GOLIM4: variants seen among roughly 807,000 people sequenced by gnomAD.
The protein encoded by GOLIM4 is golgi integral membrane protein 4, also known as 130 kDa golgi-localized phosphoprotein.
GOLIM4 carries 71 observed loss-of-function variants against 107.4 expected under a neutral mutation model. That is an observed-to-expected ratio of 0.66 (90% CI 0.55 to 0.81). The LOEUF (loss-of-function observed/expected upper bound fraction) is 0.81, where lower values mean the gene tolerates loss of function less well. GOLIM4 is among the 30% of genes least tolerant of loss of function. GOLIM4 has a pLI of 0.00. For synonymous variants in GOLIM4, 327 were observed against 294.8 expected (o/e 1.11, Z -1.12); for missense variants, 830 against 826.1 (o/e 1.00, Z -0.06).
chr3:168,074,746 G>A (rs137874237), intron 1 of GOLIM4, among the ~76,000 whole-genome samples: 85 of 152,154 alleles, frequency 5.6e-4, no homozygotes, highest in African/African-American at 1.5e-3. Context: ...ATCTAGTAAC[G>A]CAGACAAGGA....
intron 5 of GOLIM4, 70 bp downstream of exon 5, chr3:168,043,309 T>C (rs973087870): frequency 6.5e-6 from 7 of 1,072,904 alleles, no homozygotes; most frequent in Non-Finnish European, 9.6e-6. Context: ...AACAACAGTC[T>C]ACAGTTGCAC....
chr3:168,067,873 C>A (rs1249060423), intron 1 of GOLIM4, among the ~76,000 whole-genome samples: 1 of 151,260 alleles, frequency 6.6e-6, no homozygotes, highest in Admixed American at 6.6e-5. Context: ...CCTGTATTAT[C>A]GATATGCAAA....
At chr3:168,044,678 A>G (rs1156622765) in intron 4 of GOLIM4, 150 bp downstream of exon 4, 1 of 589,590 alleles carries the variant, frequency 1.7e-6, no homozygotes, top group Non-Finnish European at 3.0e-6. Context: ...AACTATATAT[A>G]ATTTTTAGCC....
intron 7 of GOLIM4, among the ~76,000 whole-genome samples, chr3:168,038,052 C>T (rs1298326222): frequency 1.3e-5 from 2 of 152,202 alleles, no homozygotes; most frequent in African/African-American, 4.8e-5. Context: ...GCTCTTCCAC[C>T]CCAAGAGTGA....
intron 1 of GOLIM4, among the ~76,000 whole-genome samples, chr3:168,052,591 A>C (rs1233095848): frequency 6.6e-6 from 1 of 152,214 alleles, no homozygotes; most frequent in Non-Finnish European, 1.5e-5. Context: ...GACCATATAG[A>C]ATTTCTGTGC....
chr3:168,026,056 G>A (rs1325757420), intron 12 of GOLIM4, among the ~76,000 whole-genome samples: 3 of 152,150 alleles, frequency 2.0e-5, no homozygotes, highest in East Asian at 3.9e-4. Context: ...GTCTCTATCA[G>A]TATTCTCCAG....
chr3:168,032,496 T>C (rs1260903730), intron 9 of GOLIM4, 24 bp downstream of exon 9: 3 of 1,571,162 alleles, frequency 1.9e-6, no homozygotes, highest in Admixed American at 3.3e-5. Context: ...CAGTACACCA[T>C]ACCAGAAGCG....
rs997525623 is a variant in GOLIM4, at chr3:168,036,828, C to A, written c.843+8G>T. 6.2e-7 allele frequency: 1 copy of A among 1,607,058 alleles called. No homozygotes were observed. The highest frequency in any genetic ancestry group is 8.5e-7 in the Non-Finnish European group (1 of 1,175,540). On this transcript the variant is annotated splice_region_variant and intron_variant, in intron 8 of 15. Transcript: ENST00000470487. ...CCTAACCATAGATTACCAGTTCACG[C>A]CCCTTACCTCCTGCACCTCTCGGGT...
intron 2 of GOLIM4, 38 bp downstream of exon 2, chr3:168,048,253 C>A (rs1177704894): frequency 3.7e-6 from 4 of 1,077,088 alleles, no homozygotes; most frequent in African/African-American, 3.1e-5. Context: ...AAGAAGAGTA[C>A]TGGAAAAACA....
In GOLIM4 at chr3:168,095,307, C is replaced by G. The variant is rs754843716; in HGVS notation, c.-22G>C. ...CCATAGTCCCGCCTGGACCCAAAGC[C>G]GCGGCCGCCCCCGCCGTCTCCTCCC... is the stretch of plus-strand genomic sequence containing the variant. On this transcript the variant is annotated 5_prime_UTR_variant, in exon 1 of 16. Transcript: ENST00000470487. 97 of 1,603,414 alleles carry G rather than the reference C, an allele frequency of 6.0e-5. No individual in the cohort carries two copies. The African/African-American group carries it at 1.1e-3, about 18-fold the overall frequency.
At chr3:168,058,185 A>G (rs1223676295) in intron 1 of GOLIM4, among the ~76,000 whole-genome samples, 28 of 152,328 alleles carry the variant, frequency 1.8e-4, no homozygotes, top group Non-Finnish European at 5.9e-5. Context: ...AATAGTTCAC[A>G]CAAGTGTCCA....
Position 168,033,499 on chromosome 3 carries a change from C to T in GOLIM4, c.844-647G>A, listed in dbSNP as rs537800134. On this transcript the variant is annotated intron_variant, in intron 8 of 15. Transcript: ENST00000470487. ...GCGGGCGCCTGTAGTCCCAGCTACG[C>T]GGGAGGCTGAGGCAGGAGAATGGCG... is the stretch of plus-strand genomic sequence containing the variant. Among the ~76,000 whole-genome samples, 1,018 of 144,124 alleles carry T rather than the reference C, an allele frequency of 7.1e-3. 14 individuals carry two copies. The highest frequency in any genetic ancestry group is 7.7e-3 in the Non-Finnish European group (511 of 65,972). 94.6% of individuals were successfully genotyped at this position (144,124 alleles called of 152,430 possible).
At chr3:168,064,906 A>G (rs760085804) in intron 1 of GOLIM4, among the ~76,000 whole-genome samples, 4 of 152,116 alleles carry the variant, frequency 2.6e-5, no homozygotes, top group Non-Finnish European at 1.5e-5. Flanking sequence ...TAGAATTTAG[A>G]TTAAAGCTAC....
chr3:168,064,141 C>T (rs1720421853), intron 1 of GOLIM4, among the ~76,000 whole-genome samples: 2 of 152,280 alleles, frequency 1.3e-5, no homozygotes, highest in South Asian at 4.1e-4. Flanking sequence ...CCTGGATGTC[C>T]AGTTTAAATA....
Position 168,040,814 on chromosome 3 carries a change from T to A in GOLIM4, c.656A>T (p.Asp219Val), listed in dbSNP as rs1280708485. 2 of 1,612,996 alleles carry A rather than the reference T, an allele frequency of 1.2e-6. No individual in the cohort carries two copies. The highest frequency in any genetic ancestry group is 4.5e-5 in the East Asian group (2 of 44,872). ...EHEQLVVTLEDHKSALAAAQT... is the reference protein window; with the variant it reads ...EHEQLVVTLEVHKSALAAAQT... ...TGCAGCAGCTAGTGCACTCTTGTGG[T>A]CTTCCAAAGTCACTACAAGTTGTTC... Residue 219 changes from aspartate (D) to valine (V), a missense_variant, in exon 7 of 16, where the codon GAC becomes GTC. Physicochemically the swap from Asp to Val is radical, Grantham distance 152 (BLOSUM62 -3). Coordinates refer to ENST00000470487, the MANE Select transcript of GOLIM4 (RefSeq NM_014498.5).
chr3:168,052,265 A>T (rs1719689717), intron 1 of GOLIM4, among the ~76,000 whole-genome samples: 1 of 152,162 alleles, frequency 6.6e-6, no homozygotes, highest in Non-Finnish European at 1.5e-5. Flanking sequence ...CCAGAGAAAA[A>T]AATCAGGCGA....
intron 4 of GOLIM4, 78 bp downstream of exon 4, chr3:168,044,750 A>G: frequency 1.3e-6 from 1 of 789,030 alleles, no homozygotes; most frequent in Non-Finnish European, 2.1e-6. Context: ...TTCTTTAATC[A>G]CTTTAAAGGC....
At chr3:168,088,165 A>G (rs1289511120) in intron 1 of GOLIM4, among the ~76,000 whole-genome samples, 4 of 152,196 alleles carry the variant, frequency 2.6e-5, no homozygotes, top group Non-Finnish European at 5.9e-5. Flanking sequence ...GCTATCATGT[A>G]AAGCATTTTC....
intron 1 of GOLIM4, among the ~76,000 whole-genome samples, chr3:168,071,296 C>T (rs1451815186): frequency 6.6e-6 from 1 of 152,130 alleles, no homozygotes; most frequent in Admixed American, 6.6e-5. Context: ...CTTTCTTAGC[C>T]TCATTTTTTT....
Sources: allele counts gnomAD v4.1 joint callset (sites outside exome capture counted in the v4.1 genomes callset), GRCh38; gene constraint gnomAD v4.1.1; transcripts MANE v1.5; gene names NCBI Gene and HGNC (gene_info 2026-07-23, HGNC 2026-07-21).